ULK4: variants seen among roughly 807,000 people sequenced by gnomAD.
ULK4 encodes unc-51 like kinase 4, also known as inactive serine/threonine-protein kinase ULK4.
A neutral mutation model predicts 160.6 loss-of-function variants in ULK4; 133 were observed. The observed-to-expected ratio is 0.83, with a 90% CI of 0.72 to 0.96. The LOEUF is 0.96. Ranked by LOEUF, ULK4 falls within the 40% of genes least tolerant of loss-of-function variation. The probability of loss-of-function intolerance (pLI) is 0.00; values close to 1 mark genes in which losing one functional copy is unlikely to be tolerated. For missense variants in ULK4, 1,580 were observed against 1,499.5 expected, an observed-to-expected ratio of 1.05 and a Z score of -0.89; for synonymous variants, 534 against 539.8, an observed-to-expected ratio of 0.99 and a Z score of 0.15.
At chr3:41,882,216 C>T in intron 17 of ULK4, 1 of 703,004 alleles carries the variant, frequency 1.4e-6, no homozygotes, top group Non-Finnish European at 2.6e-6. Flanking sequence ...AAGGCACTGT[C>T]TAGGCACTGG....
chr3:41,421,394 G>C (rs1184867162), intron 34 of ULK4, among the ~76,000 whole-genome samples: 2 of 152,056 alleles, frequency 1.3e-5, no homozygotes, highest in African/African-American at 2.4e-5. Context: ...AATGCATTTA[G>C]AGTTTCTTTA....
At chr3:41,860,012 C>T (rs185109244) in intron 17 of ULK4, among the ~76,000 whole-genome samples, 1 of 152,042 alleles carries the variant, frequency 6.6e-6, no homozygotes, top group Admixed American at 6.6e-5. Context: ...TATTCAGGAG[C>T]ATATTGTTTA....
chr3:41,537,557 C>A (rs893593350), intron 32 of ULK4, among the ~76,000 whole-genome samples: 4 of 152,140 alleles, frequency 2.6e-5, no homozygotes, highest in Admixed American at 2.0e-4. Context: ...GGCAAGTAGA[C>A]CATGCTGATA....
chr3:41,959,001 G>GT (rs1378748341), intron 1 of ULK4, among the ~76,000 whole-genome samples: 2 of 152,258 alleles, frequency 1.3e-5, no homozygotes, highest in Non-Finnish European at 2.9e-5. Flanking sequence ...GCCAAGGCAG[G>GT]TAGGTCACCT....
At chr3:41,856,514 T>TAA (rs1387275949) in intron 17 of ULK4, among the ~76,000 whole-genome samples, 29 of 103,326 alleles carry the variant, frequency 2.8e-4, no homozygotes, top group Admixed American at 5.8e-4. Flanking sequence ...AATAAATAAA[T>TAA]ATATATATAT....
At chr3:41,580,369 ATTAT>A (rs941763345) in intron 31 of ULK4, among the ~76,000 whole-genome samples, 1 of 150,720 alleles carries the variant, frequency 6.6e-6, no homozygotes, top group Admixed American at 6.6e-5. Flanking sequence ...AGTTAAACCA[ATTAT>A]TTATTTTTTT....
chr3:41,872,863 A>T (rs953441963), intron 17 of ULK4, among the ~76,000 whole-genome samples: 4 of 152,212 alleles, frequency 2.6e-5, no homozygotes, highest in African/African-American at 9.7e-5. Flanking sequence ...GATAAAAATC[A>T]ACAAACTTCG....
intron 2 of ULK4, among the ~76,000 whole-genome samples, chr3:41,945,237 C>G (rs940366669): frequency 1.3e-5 from 2 of 151,488 alleles, no homozygotes; most frequent in African/African-American, 4.8e-5. Context: ...CATACTGCCT[C>G]TGCCTCAAGA....
intron 31 of ULK4, among the ~76,000 whole-genome samples, chr3:41,567,675 G>C (rs1431457054): frequency 6.6e-6 from 1 of 151,972 alleles, no homozygotes; most frequent in Non-Finnish European, 1.5e-5. Flanking sequence ...GTGTTGGCCA[G>C]GATGGTCTCG....
At chr3:41,287,544 C>G (rs902174064) in intron 35 of ULK4, among the ~76,000 whole-genome samples, 1 of 152,186 alleles carries the variant, frequency 6.6e-6, no homozygotes, top group Non-Finnish European at 1.5e-5. Flanking sequence ...GAAATTTGGT[C>G]GTGTAACTTT....
chr3:41,727,844 G>T (rs531589886), intron 22 of ULK4, among the ~76,000 whole-genome samples: 1 of 152,310 alleles, frequency 6.6e-6, no homozygotes, highest in South Asian at 2.1e-4. Context: ...AAGTCATGGT[G>T]GCTTTGGTTA....
intron 16 of ULK4, among the ~76,000 whole-genome samples, chr3:41,890,769 G>A (rs115888283): frequency 0.044 from 144 of 3,288 alleles, 3 homozygotes; most frequent in Non-Finnish European, 0.088. Context: ...CGGGAGGGAC[G>A]GGAGGGACAG....
intron 33 of ULK4, among the ~76,000 whole-genome samples, chr3:41,462,571 T>C (rs899972844): frequency 7.2e-5 from 11 of 152,182 alleles, no homozygotes; most frequent in African/African-American, 2.7e-4. Context: ...TGAATACACC[T>C]CTATTCCTCA....
chr3:41,346,870 GTA>G (rs2080811064), intron 35 of ULK4, among the ~76,000 whole-genome samples: 1 of 152,176 alleles, frequency 6.6e-6, no homozygotes, highest in Admixed American at 6.5e-5. Context: ...CATGACAAGA[GTA>G]TGAGTCAGTC....
intron 35 of ULK4, among the ~76,000 whole-genome samples, chr3:41,255,299 C>G (rs1048771709): frequency 6.6e-6 from 1 of 151,796 alleles, no homozygotes; most frequent in Non-Finnish European, 1.5e-5. Flanking sequence ...CTGGCTGACA[C>G]GGTGAAACCC....
At chr3:41,689,973 T>C (rs1240216520) in intron 27 of ULK4, among the ~76,000 whole-genome samples, 1 of 148,636 alleles carries the variant, frequency 6.7e-6, no homozygotes, top group Admixed American at 6.6e-5. Context: ...ATCATGCTGC[T>C]ATAAAGACAC....
chr3:41,475,259 G>C (rs1341983837), intron 32 of ULK4, among the ~76,000 whole-genome samples: 4 of 152,186 alleles, frequency 2.6e-5, no homozygotes, highest in African/African-American at 9.7e-5. Flanking sequence ...AATACCACAT[G>C]TTCTCATATA....
chr3:41,636,602 GT>G (rs879387829), intron 30 of ULK4, among the ~76,000 whole-genome samples: 7 of 150,362 alleles, frequency 4.7e-5, no homozygotes, highest in South Asian at 2.1e-4. Flanking sequence ...TTTTATTGTT[GT>G]TTTTTTTTAA....
intron 30 of ULK4, among the ~76,000 whole-genome samples, chr3:41,640,700 C>CTTT (rs1374401983): frequency 2.6e-5 from 4 of 152,080 alleles, no homozygotes; most frequent in African/African-American, 9.7e-5. Context: ...GAGACTTAAT[C>CTTT]AATATTCTAG....
Sources: allele counts gnomAD v4.1 joint callset (sites outside exome capture counted in the v4.1 genomes callset), GRCh38; gene constraint gnomAD v4.1.1; transcripts MANE v1.5; gene names NCBI Gene and HGNC (gene_info 2026-07-23, HGNC 2026-07-21).